Variants in SIRPG observed in about 807,000 individuals in gnomAD.
SIRPG encodes signal-regulatory protein gamma.
Under a neutral mutation model 35.7 loss-of-function variants are expected in SIRPG, and 38 were observed. That is an observed-to-expected ratio of 1.06 (90% CI 0.82 to 1.40). The LOEUF is 1.40. Ranked by LOEUF, SIRPG falls within the 40% of genes most tolerant of loss-of-function variation. SIRPG has a pLI of 0.00. For missense variants in SIRPG, 519 were observed against 483.0 expected, an observed-to-expected ratio of 1.07 and a Z score of -0.70; for synonymous variants, 215 against 190.4, an observed-to-expected ratio of 1.13 and a Z score of -1.06.
chr20:1,670,293 G>T, the SIRPG span: 1 of 209,762 alleles, frequency 4.8e-6, no homozygotes, highest in South Asian at 1.0e-4. Context: ...ACAGATCACA[G>T]GGAGGGCTCC....
chr20:1,667,852 C>G, the SIRPG span, among the ~76,000 whole-genome samples: 1 of 152,150 alleles, frequency 6.6e-6, no homozygotes, highest in African/African-American at 2.4e-5. Context: ...GAGGGGAAGT[C>G]CCTACTATAG....
At chr20:1,641,466 C>CT (rs528488344) in intron 2 of SIRPG, among the ~76,000 whole-genome samples, 37 of 151,968 alleles carry the variant, frequency 2.4e-4, no homozygotes, top group Admixed American at 5.2e-4. Context: ...TCCCCTTTAT[C>CT]TTTTTTTTAT....
the SIRPG span, among the ~76,000 whole-genome samples, chr20:1,683,266 T>C: frequency 6.6e-6 from 1 of 152,214 alleles, no homozygotes; most frequent in Non-Finnish European, 1.5e-5. Flanking sequence ...GGAGAGTATG[T>C]GGAGAAAAGA....
intron 4 of SIRPG, among the ~76,000 whole-genome samples, chr20:1,635,056 AT>A (rs2091784730): frequency 6.8e-6 from 1 of 146,984 alleles, no homozygotes; most frequent in South Asian, 2.1e-4. Context: ...AAAAAAAAAA[AT>A]TAAACATATA....
At chr20:1,648,930 G>C in intron 2 of SIRPG, 122 bp downstream of exon 2, 1 of 913,446 alleles carries the variant, frequency 1.1e-6, no homozygotes, top group South Asian at 1.6e-5. Context: ...AGAAGGGGGT[G>C]ACAACAGGTC....
the SIRPG span, among the ~76,000 whole-genome samples, chr20:1,665,617 G>A: frequency 3.9e-5 from 6 of 152,194 alleles, no homozygotes; most frequent in African/African-American, 9.7e-5. Context: ...ACTGGAAGGA[G>A]GGGGTTGAGA....
the SIRPG span, among the ~76,000 whole-genome samples, chr20:1,669,483 G>A: frequency 6.6e-6 from 1 of 152,244 alleles, no homozygotes; most frequent in Admixed American, 6.5e-5. Context: ...GCCTGGTCCA[G>A]TCTTAAATGC....
the SIRPG span, among the ~76,000 whole-genome samples, chr20:1,667,995 G>A: frequency 1.3e-5 from 2 of 152,218 alleles, 1 homozygote; most frequent in South Asian, 4.2e-4. Context: ...TCAAGCTAAT[G>A]ACACATTACT....
chr20:1,670,150 G>C, the SIRPG span: 1 of 263,464 alleles, frequency 3.8e-6, no homozygotes, highest in East Asian at 1.1e-4. Context: ...TCAGCTGTAG[G>C]TTCTAGGGGT....
Position 1,653,275 on chromosome 20 carries a change from A to G in SIRPG, c.74-3867T>C, listed in dbSNP as rs149585892. 9.4e-3 allele frequency among the ~76,000 whole-genome samples: 1,432 copies of G among 152,342 alleles called. 22 individuals carry two copies. Among genetic ancestry groups the G allele is most frequent in the African/African-American group, 0.032 (1,345 of 41,576 alleles). The stretch of plus-strand genomic sequence containing the variant: ...ACCAGTTACCAATGAGTGAGCCTGG[A>G]GCACTTTGTGCTTCTGTTTTCTTAT... On this transcript the variant is annotated intron_variant, in intron 1 of 5. Transcript: ENST00000303415.
Position 1,657,768 on chromosome 20 carries a change from A to C in SIRPG, c.-54T>G. 1 of 1,540,456 alleles carries C rather than the reference A, an allele frequency of 6.5e-7. No homozygotes were observed. Among genetic ancestry groups the C allele is most frequent in the Non-Finnish European group, 8.9e-7 (1 of 1,118,404 alleles). On this transcript the variant is annotated 5_prime_UTR_variant, in exon 1 of 6. Transcript: ENST00000303415. ...CAAACGTCTGTTCTGGGGAGATGTC[A>C]GGCCCTGCTCTGAAGACAGAAGACA...
chr20:1,643,296 C>T (rs2091870046), intron 2 of SIRPG, among the ~76,000 whole-genome samples: 4 of 151,880 alleles, frequency 2.6e-5, no homozygotes, highest in Admixed American at 6.6e-5. Context: ...AAATCTTGTC[C>T]GCATGTCTTA....
intron 2 of SIRPG, among the ~76,000 whole-genome samples, chr20:1,648,665 A>T (rs570361555): frequency 2.3e-4 from 35 of 152,304 alleles, no homozygotes; most frequent in African/African-American, 7.5e-4. Context: ...AAAAAATAAA[A>T]AAAAGAATAT....
upstream of SIRPG, chr20:1,657,799 T>C: frequency 8.0e-7 from 1 of 1,245,214 alleles, no homozygotes; most frequent in Non-Finnish European, 1.1e-6. Flanking sequence ...AGACAAGCCC[T>C]GCCTCCCTCA....
intron 1 of SIRPG, among the ~76,000 whole-genome samples, chr20:1,654,684 C>T (rs776273168): frequency 3.0e-4 from 45 of 152,072 alleles, no homozygotes; most frequent in Admixed American, 1.3e-4. Flanking sequence ...AGACAAAAGG[C>T]ATTAACAACA....
At chr20:1,675,159 C>T in the SIRPG span, among the ~76,000 whole-genome samples, 1 of 152,198 alleles carries the variant, frequency 6.6e-6, no homozygotes, top group Admixed American at 6.5e-5. Context: ...CTCTTGCTTA[C>T]AGTGGCCCCA....
At chr20:1,648,628 A>G (rs912162898) in intron 2 of SIRPG, among the ~76,000 whole-genome samples, 1 of 151,806 alleles carries the variant, frequency 6.6e-6, no homozygotes, top group Non-Finnish European at 1.5e-5. Context: ...TTGCAAACTT[A>G]AAGTATAATA....
the SIRPG span, among the ~76,000 whole-genome samples, chr20:1,680,972 A>C: frequency 6.6e-6 from 1 of 152,244 alleles, no homozygotes; most frequent in Non-Finnish European, 1.5e-5. Context: ...TTTATTCACC[A>C]GTGCACCCAA....
chr20:1,643,946 C>T lies in SIRPG; in HGVS notation c.430+5106G>A, dbSNP rs541556447. ...CGGCAAAGATGGGTGCCTGCTCCTTCCTTTAGGATCTCTAACCTCGAGGGG... is the reference window on the plus strand; with the variant it reads ...CGGCAAAGATGGGTGCCTGCTCCTTTCTTTAGGATCTCTAACCTCGAGGGG... On this transcript the variant is annotated intron_variant, in intron 2 of 5. Coordinates refer to ENST00000303415, the MANE Select transcript of SIRPG (RefSeq NM_018556.4). Among the ~76,000 whole-genome samples the T allele has an allele frequency of 1.2e-4, 19 of 152,248 alleles. No individual in the cohort carries two copies. In the South Asian group the frequency reaches 3.7e-3, roughly 30 times the overall value.
Sources: allele counts gnomAD v4.1 joint callset (sites outside exome capture counted in the v4.1 genomes callset), GRCh38; gene constraint gnomAD v4.1.1; transcripts MANE v1.5; gene names NCBI Gene and HGNC (gene_info 2026-07-23, HGNC 2026-07-21).